The following ADAM12 variants were observed in gnomAD, a reference collection of about 807,000 sequenced individuals.
ADAM12 encodes the protein disintegrin and metalloproteinase domain-containing protein 12.
A neutral mutation model predicts 106.4 loss-of-function variants in ADAM12; 70 were observed. The ratio of observed to expected loss-of-function variants is 0.66; its 90% CI spans 0.54 to 0.80. The LOEUF (loss-of-function observed/expected upper bound fraction) is 0.80, where lower values mean the gene tolerates loss of function less well. Ranked by LOEUF, ADAM12 falls within the 30% of genes least tolerant of loss-of-function variation. The probability of loss-of-function intolerance (pLI) is 0.00; values close to 1 mark genes in which losing one functional copy is unlikely to be tolerated. For synonymous variants in ADAM12, 420 were observed against 433.5 expected, an observed-to-expected ratio of 0.97 and a Z score of 0.39; for missense variants, 1,010 against 1,171.9, an observed-to-expected ratio of 0.86 and a Z score of 2.02.
At chr10:126,040,725 T>G (rs1362465897) in intron 18 of ADAM12, among the ~76,000 whole-genome samples, 1 of 152,204 alleles carries the variant, frequency 6.6e-6, no homozygotes, top group Non-Finnish European at 1.5e-5. Context: ...ATTTAAAAAG[T>G]GAACAGCAAA....
intron 12 of ADAM12, among the ~76,000 whole-genome samples, chr10:126,069,759 G>A (rs1954948098): frequency 6.6e-6 from 1 of 152,184 alleles, no homozygotes; most frequent in Non-Finnish European, 1.5e-5. Flanking sequence ...GGGTGATGGT[G>A]AGGGCTGTAG....
chr10:126,072,950 G>A (rs2133502557), intron 11 of ADAM12, among the ~76,000 whole-genome samples: 2 of 152,294 alleles, frequency 1.3e-5, no homozygotes, highest in Middle Eastern at 6.8e-3. Context: ...GCCACTTAAT[G>A]ATTGAGCTTG....
At position 126,043,445 on chromosome 10, in the gene ADAM12, A is replaced by G. The variant is rs1954232024; in HGVS notation, c.1996-297T>C. On this transcript the variant is annotated intron_variant, in intron 17 of 22. Transcript: ENST00000448723. This position sits in a 1 kb window ranked among gnomAD's most constrained non-coding sequence, Gnocchi z 4.1. ...ACCTCACTTCCTTCTCCATCTCCCC[A>G]TCTTCCTTTTTCAATCTGGAAAACT... Among the ~76,000 whole-genome samples the G allele has an allele frequency of 1.3e-5, 2 of 151,902 alleles. No homozygotes were observed. The highest frequency in any genetic ancestry group is 4.8e-5 in the African/African-American group (2 of 41,354).
At chr10:126,125,234 TTTTTC>T (rs1337039427) in intron 5 of ADAM12, among the ~76,000 whole-genome samples, 8 of 146,408 alleles carry the variant, frequency 5.5e-5, no homozygotes, top group Admixed American at 1.4e-4. Flanking sequence ...CTTCCTTTTT[TTTTTC>T]TTTTCTTTTC....
chr10:126,096,406 A>G (rs1483025214), intron 10 of ADAM12, among the ~76,000 whole-genome samples: 2 of 152,114 alleles, frequency 1.3e-5, no homozygotes, highest in African/African-American at 2.4e-5. Flanking sequence ...TATTCATGTT[A>G]TTAATATTAT....
At chr10:126,254,738 G>A (rs914873834) in intron 3 of ADAM12, among the ~76,000 whole-genome samples, 2 of 152,172 alleles carry the variant, frequency 1.3e-5, no homozygotes, top group Non-Finnish European at 1.5e-5. Context: ...GGCCTCCTCT[G>A]AACTGTGCAA....
At chr10:126,113,450 A>G (rs911123946) in intron 6 of ADAM12, among the ~76,000 whole-genome samples, 4 of 151,302 alleles carry the variant, frequency 2.6e-5, no homozygotes, top group African/African-American at 7.3e-5. Flanking sequence ...CCTCGCGGTC[A>G]GGAGTTCAAG....
intron 14 of ADAM12, among the ~76,000 whole-genome samples, chr10:126,057,382 AAC>A (rs1491525260): frequency 6.4e-5 from 2 of 31,118 alleles, no homozygotes; most frequent in Admixed American, 4.9e-4. Flanking sequence ...AAAATTAAAA[AAC>A]AAAAAAACAA....
intron 3 of ADAM12, among the ~76,000 whole-genome samples, chr10:126,169,590 AAAAAT>A (rs926752624): frequency 2.5e-4 from 38 of 152,322 alleles, no homozygotes; most frequent in Admixed American, 8.5e-4. Flanking sequence ...CTACTCTAAA[AAAAAT>A]AAAATAAAAT....
chr10:126,111,002 A>G (rs1241432211), intron 6 of ADAM12, among the ~76,000 whole-genome samples: 3 of 152,214 alleles, frequency 2.0e-5, no homozygotes, highest in African/African-American at 7.2e-5. Context: ...TCACAAAAGT[A>G]TGCTTTGAAT....
intron 8 of ADAM12, among the ~76,000 whole-genome samples, chr10:126,102,167 AC>A (rs1955681334): frequency 6.6e-6 from 1 of 152,072 alleles, no homozygotes; most frequent in Admixed American, 6.6e-5. Flanking sequence ...GGTATGACCT[AC>A]CCATTGTCCT....
chr10:126,217,899 C>T (rs923588919), intron 3 of ADAM12, among the ~76,000 whole-genome samples: 10 of 150,808 alleles, frequency 6.6e-5, no homozygotes, highest in Admixed American at 2.0e-4. Context: ...TGCTTGAACC[C>T]GGGAGGTAGA....
chr10:126,315,030 C>T (rs1270504431), intron 2 of ADAM12, among the ~76,000 whole-genome samples: 3 of 152,126 alleles, frequency 2.0e-5, no homozygotes, highest in African/African-American at 7.2e-5. Flanking sequence ...GTAAGCATGC[C>T]GCTCCAAGTC....
At chr10:126,311,098 C>CACACACAAAT (rs1554863904) in intron 2 of ADAM12, among the ~76,000 whole-genome samples, 3 of 99,428 alleles carry the variant, frequency 3.0e-5, no homozygotes, top group Non-Finnish European at 5.3e-5. Flanking sequence ...CACAAATACA[C>CACACACAAAT]ACACACACAC....
intron 6 of ADAM12, among the ~76,000 whole-genome samples, chr10:126,111,317 G>A (rs1026876569): frequency 8.5e-5 from 13 of 152,164 alleles, no homozygotes; most frequent in African/African-American, 2.4e-4. Context: ...ATAACTATGC[G>A]TTACTTATAA....
chr10:126,038,137 A>C (rs1427302258), intron 20 of ADAM12, 104 bp downstream of exon 20: 7 of 1,097,092 alleles, frequency 6.4e-6, no homozygotes, highest in Non-Finnish European at 9.4e-6. Flanking sequence ...CTGACTCAGC[A>C]TTTCACAGGC....
intron 3 of ADAM12, among the ~76,000 whole-genome samples, chr10:126,212,269 A>G (rs1957916867): frequency 6.6e-6 from 1 of 152,262 alleles, no homozygotes; most frequent in Non-Finnish European, 1.5e-5. Context: ...TATGGTGCCC[A>G]TATTGAATCA....
chr10:126,261,077 T>A (rs942973508), intron 3 of ADAM12, among the ~76,000 whole-genome samples: 1 of 152,182 alleles, frequency 6.6e-6, no homozygotes, highest in Admixed American at 6.5e-5. Context: ...CTAGAGATGA[T>A]TTAAAGTATA....
intron 4 of ADAM12, among the ~76,000 whole-genome samples, chr10:126,150,580 C>T (rs2133711781): frequency 6.6e-6 from 1 of 152,254 alleles, no homozygotes; most frequent in Non-Finnish European, 1.5e-5. Context: ...CACCCTCTAT[C>T]CCCTGATCCT....
Sources: allele counts gnomAD v4.1 joint callset (sites outside exome capture counted in the v4.1 genomes callset), GRCh38; gene constraint gnomAD v4.1.1; non-coding constraint Gnocchi (gnomAD v3.1); transcripts MANE v1.5; gene names NCBI Gene and HGNC (gene_info 2026-07-23, HGNC 2026-07-21).